Variants in CDH13 observed in about 807,000 individuals in gnomAD.
CDH13 encodes cadherin 13.
CDH13 carries 24 observed loss-of-function variants against 63.8 expected under a neutral mutation model. The observed-to-expected ratio is 0.38, with a 90% confidence interval of 0.27 to 0.53. CDH13 has a LOEUF of 0.53. CDH13 is among the 20% of genes least tolerant of loss of function. The pLI, the probability that CDH13 is intolerant of heterozygous loss-of-function variation, is 0.85. For synonymous variants in CDH13, 503 were observed against 355.3 expected, an observed-to-expected ratio of 1.42 and a Z score of -4.67; for missense variants, 1,049 against 903.1, an observed-to-expected ratio of 1.16 and a Z score of -2.07.
intron 1 of CDH13, among the ~76,000 whole-genome samples, chr16:82,797,737 G>T (rs1422888281): frequency 6.6e-6 from 1 of 151,488 alleles, no homozygotes; most frequent in African/African-American, 2.4e-5. Flanking sequence ...AGTGAACAAT[G>T]CTAAGGTTTA....
chr16:83,157,738 TAA>T (rs58336254), intron 4 of CDH13, among the ~76,000 whole-genome samples: 184 of 99,506 alleles, frequency 1.8e-3, no homozygotes, highest in Middle Eastern at 5.8e-3. Flanking sequence ...ACTAGAAATA[TAA>T]AAAAAAAAAA....
At chr16:82,823,997 A>G (rs758651074) in intron 1 of CDH13, 4 of 152,192 alleles carry the variant, frequency 2.6e-5, no homozygotes, top group African/African-American at 7.2e-5. Context: ...AAAGAAACCA[A>G]GCTGTCTTGA....
intron 1 of CDH13, among the ~76,000 whole-genome samples, chr16:82,771,067 T>C (rs967254848): frequency 3.3e-5 from 5 of 152,228 alleles, no homozygotes; most frequent in South Asian, 2.1e-4. Context: ...GTTGTGACTT[T>C]AGCGTGAATT....
At chr16:83,063,389 A>G (rs187909292) in intron 3 of CDH13, among the ~76,000 whole-genome samples, 1 of 152,298 alleles carries the variant, frequency 6.6e-6, no homozygotes, top group Non-Finnish European at 1.5e-5. Context: ...GCAGCCCAAG[A>G]TTATCTCAAA....
At chr16:82,717,614 A>G (rs1205890152) in intron 1 of CDH13, among the ~76,000 whole-genome samples, 1 of 152,158 alleles carries the variant, frequency 6.6e-6, no homozygotes, top group African/African-American at 2.4e-5. Flanking sequence ...ACATCAGTCT[A>G]GTCCCTGGCT....
chr16:82,816,084 C>T lies in CDH13; in HGVS notation c.46-42278C>T, dbSNP rs139284711. On this transcript the variant is annotated intron_variant, in intron 1 of 13. Coordinates refer to ENST00000567109, the MANE Select transcript of CDH13 (RefSeq NM_001257.5). ...CAATTTTGGTGAAGCGAAGGGTGTA[C>T]GGAGGATGAGCCTTGCAAACAAGCT... 2.2e-3 allele frequency among the ~76,000 whole-genome samples: 339 copies of T among 152,164 alleles called. 5 individuals carry two copies. Among genetic ancestry groups the T allele is most frequent in the African/African-American group, 7.6e-3 (315 of 41,538 alleles).
chr16:83,336,656 T>C (rs2151908053), intron 5 of CDH13, among the ~76,000 whole-genome samples: 1 of 152,332 alleles, frequency 6.6e-6, no homozygotes, highest in South Asian at 2.1e-4. Flanking sequence ...AAAAGCTCTG[T>C]GTGTGTCTGT....
chr16:83,425,735 T>C (rs1484750092), intron 6 of CDH13, among the ~76,000 whole-genome samples: 1 of 145,580 alleles, frequency 6.9e-6, no homozygotes, highest in African/African-American at 2.4e-5. Flanking sequence ...ATGAATACCT[T>C]TCTGTCTTTC....
At chr16:83,064,646 C>A (rs943965315) in intron 3 of CDH13, among the ~76,000 whole-genome samples, 12 of 152,104 alleles carry the variant, frequency 7.9e-5, no homozygotes, top group African/African-American at 2.9e-4. Flanking sequence ...AGTATGTTAG[C>A]TCACTTTCCA....
At chr16:83,230,548 G>A (rs2039972436) in intron 5 of CDH13, among the ~76,000 whole-genome samples, 1 of 152,186 alleles carries the variant, frequency 6.6e-6, no homozygotes, top group Admixed American at 6.5e-5. Context: ...CACTTTGGGA[G>A]GCCGAGGCTG....
At chr16:82,866,393 T>C (rs1237135913) in intron 2 of CDH13, among the ~76,000 whole-genome samples, 1 of 114,948 alleles carries the variant, frequency 8.7e-6, no homozygotes, top group East Asian at 2.3e-4. Flanking sequence ...TTTTTTTTTT[T>C]TTTTTTTTTT....
At chr16:82,770,764 G>C (rs1170908989) in intron 1 of CDH13, among the ~76,000 whole-genome samples, 1 of 152,132 alleles carries the variant, frequency 6.6e-6, no homozygotes, top group Admixed American at 6.5e-5. Flanking sequence ...CTGGAGTGCA[G>C]TGGCGTGATC....
chr16:83,624,992 G>A (rs149750100), intron 8 of CDH13, among the ~76,000 whole-genome samples: 166 of 152,268 alleles, frequency 1.1e-3, no homozygotes, highest in Non-Finnish European at 2.1e-3. Context: ...GCATGTGTGC[G>A]GTGATATCGA....
At chr16:82,929,651 C>CAAAAACAAAAAAAAAAAAA (rs2042416511) in intron 2 of CDH13, among the ~76,000 whole-genome samples, 1 of 44,272 alleles carries the variant, frequency 2.3e-5, no homozygotes, top group Non-Finnish European at 3.3e-5. Context: ...GACTCCATCT[C>CAAAAACAAAAAAAAAAAAA]AAAAAAAAAA....
chr16:83,097,747 G>A (rs2034278992), intron 3 of CDH13, among the ~76,000 whole-genome samples: 1 of 152,204 alleles, frequency 6.6e-6, no homozygotes, highest in Non-Finnish European at 1.5e-5. Flanking sequence ...GCAACTAGTT[G>A]CATTTGATCT....
chr16:83,428,025 T>C (rs2071966462), intron 6 of CDH13, among the ~76,000 whole-genome samples: 1 of 152,202 alleles, frequency 6.6e-6, no homozygotes, highest in Non-Finnish European at 1.5e-5. Flanking sequence ...AATTAAAATT[T>C]TAGAGAATCG....
At position 82,715,402 on chromosome 16, in the gene CDH13, G is replaced by A. The variant is rs984462353; in HGVS notation, c.45+88265G>A. On this transcript the variant is annotated intron_variant, in intron 1 of 13. Transcript: ENST00000567109. ...GGCCCCGCCCCATGCTCTGGTTTCT[G>A]CTTGCACCTTATTAACGGGTAATGA... Among the ~76,000 whole-genome samples the A allele has an allele frequency of 2.0e-5, 3 of 152,078 alleles. No individual in the cohort carries two copies. The East Asian group carries it at 5.8e-4, about 29-fold the overall frequency.
At chr16:83,513,986 A>G (rs543584022) in intron 7 of CDH13, among the ~76,000 whole-genome samples, 1 of 152,356 alleles carries the variant, frequency 6.6e-6, no homozygotes, top group South Asian at 2.1e-4. Context: ...ACTGTCTTGT[A>G]TGTTAAAAGT....
At chr16:82,909,879 T>A (rs2151261426) in intron 2 of CDH13, among the ~76,000 whole-genome samples, 1 of 152,318 alleles carries the variant, frequency 6.6e-6, no homozygotes, top group African/African-American at 2.4e-5. Context: ...TTTTTGCCCA[T>A]ACACATGTGG....
Sources: gnomAD v4.1 joint callset for allele counts (sites outside exome capture counted in the v4.1 genomes callset) on GRCh38, gnomAD v4.1.1 for gene constraint, MANE v1.5 for transcripts, NCBI Gene and HGNC (gene_info 2026-07-23, HGNC 2026-07-21) for gene names.